Variants in RNLS observed in about 807,000 individuals in gnomAD.
The protein encoded by RNLS is renalase, FAD dependent amine oxidase.
RNLS carries 39 observed loss-of-function variants against 39.8 expected under a neutral mutation model. The observed-to-expected ratio is 0.98, with a 90% confidence interval of 0.76 to 1.28. The LOEUF (loss-of-function observed/expected upper bound fraction) is 1.28, where lower values mean the gene tolerates loss of function less well. RNLS is among the 50% of genes most tolerant of loss of function. The pLI is 0.00. For synonymous variants in RNLS, 147 were observed against 150.7 expected (o/e 0.98, Z 0.18); for missense variants, 410 against 413.3 (o/e 0.99, Z 0.07).
At chr10:88,209,086 T>C in the RNLS span, among the ~76,000 whole-genome samples, 2 of 152,220 alleles carry the variant, frequency 1.3e-5, no homozygotes, top group Admixed American at 6.5e-5. Context: ...CTGAAACATA[T>C]CCGAAACTCT....
intron 4 of RNLS, among the ~76,000 whole-genome samples, chr10:88,391,333 G>A (rs1000549869): frequency 6.6e-6 from 1 of 152,146 alleles, no homozygotes; most frequent in East Asian, 1.9e-4. Context: ...TCCGAGGCCG[G>A]TGGATCACAA....
At chr10:88,525,435 G>A (rs1268990077) in intron 4 of RNLS, among the ~76,000 whole-genome samples, 1 of 152,026 alleles carries the variant, frequency 6.6e-6, no homozygotes, top group African/African-American at 2.4e-5. Context: ...CAGAAAGCAG[G>A]TTTTTAGCAG....
At chr10:88,234,260 C>T in the RNLS span, among the ~76,000 whole-genome samples, 1 of 151,890 alleles carries the variant, frequency 6.6e-6, no homozygotes, top group African/African-American at 2.4e-5. Context: ...CTCCCTGCTT[C>T]CCTCTCATTT....
chr10:88,361,535 T>C lies in RNLS; in HGVS notation c.700+1017A>G, dbSNP rs576983644. Among the ~76,000 whole-genome samples the C allele has an allele frequency of 7.8e-4, 119 of 152,330 alleles. 1 individual carries two copies. The South Asian group carries it at 9.3e-3, about 12-fold the overall frequency. ...AATAGTCCATTGAAGTTCTAAGGCATTTTATGAACTGCTGATTGTACATAT... is the reference window on the plus strand; with the variant it reads ...AATAGTCCATTGAAGTTCTAAGGCACTTTATGAACTGCTGATTGTACATAT... On this transcript the variant is annotated intron_variant, in intron 5 of 6. Coordinates refer to ENST00000331772, the MANE Select transcript of RNLS (RefSeq NM_001031709.3).
At chr10:88,288,835 T>C (rs566555255) in intron 6 of RNLS, among the ~76,000 whole-genome samples, 2 of 152,150 alleles carry the variant, frequency 1.3e-5, no homozygotes, top group African/African-American at 4.8e-5. Context: ...GAGGAAAATA[T>C]GAAAACATGG....
intron 6 of RNLS, among the ~76,000 whole-genome samples, chr10:88,292,591 A>C (rs1556383): frequency 0.57 from 85,035 of 149,082 alleles, 24,691 homozygotes; most frequent in Middle Eastern, 0.63. Flanking sequence ...AAAAAAAAAA[A>C]CCTAGTTGCA....
the RNLS span, among the ~76,000 whole-genome samples, chr10:88,171,810 T>A: frequency 6.6e-6 from 1 of 152,184 alleles, no homozygotes; most frequent in African/African-American, 2.4e-5. Context: ...TGTAATTTCA[T>A]GTCTGTTAAC....
At chr10:88,188,923 A>G in the RNLS span, among the ~76,000 whole-genome samples, 1 of 152,146 alleles carries the variant, frequency 6.6e-6, no homozygotes, top group South Asian at 2.1e-4. Flanking sequence ...CTTACTTTCA[A>G]ATTTGAGCTA....
rs1177455915 is a variant in RNLS at position 88,583,273 on chromosome 10, C to G, written c.-83G>C. On this transcript the variant is annotated 5_prime_UTR_variant, in exon 1 of 7. Transcript: ENST00000331772. Reference sequence around the variant, plus strand: ...CTTTCTGGAAAGGCGGCCGAACCGGCGCTAGCGCTCTTTGGTTCCGTGCTC... The same window carrying G: ...CTTTCTGGAAAGGCGGCCGAACCGGGGCTAGCGCTCTTTGGTTCCGTGCTC... 4 of 1,569,128 alleles carry G rather than the reference C, an allele frequency of 2.5e-6. No individual in the cohort carries two copies. In the African/African-American group the frequency reaches 5.4e-5, roughly 21 times the overall value.
In RNLS at chr10:88,408,552, G is replaced by A. The variant is rs574121565; in HGVS notation, c.527-45827C>T. Among the ~76,000 whole-genome samples the A allele has an allele frequency of 1.3e-4, 20 of 152,158 alleles. 1 individual carries two copies. In the South Asian group the frequency reaches 4.1e-3, roughly 32 times the overall value. On this transcript the variant is annotated intron_variant, in intron 4 of 6. Transcript: ENST00000331772. ...CTCCTGAAGTACTGAGGTTACAGGT[G>A]TAAGCCACTGCACCCGGCCAATAAA...
intron 4 of RNLS, among the ~76,000 whole-genome samples, chr10:88,559,685 A>ATTCATTCG (rs1554930778): frequency 6.6e-6 from 1 of 151,898 alleles, no homozygotes. Flanking sequence ...TCATTCATTC[A>ATTCATTCG]ATGCAGACTG....
chr10:88,339,079 G>T (rs1378589786), intron 5 of RNLS, among the ~76,000 whole-genome samples: 1 of 152,074 alleles, frequency 6.6e-6, no homozygotes, highest in Non-Finnish European at 1.5e-5. Flanking sequence ...GATTTCTAAG[G>T]TTCTTCCATT....
intron 4 of RNLS, among the ~76,000 whole-genome samples, chr10:88,376,138 G>A (rs1321179872): frequency 6.6e-6 from 1 of 152,078 alleles, no homozygotes; most frequent in Non-Finnish European, 1.5e-5. Flanking sequence ...AGATTCCCAG[G>A]GAGGGGATTC....
At chr10:88,466,879 T>C (rs1843238754) in intron 4 of RNLS, among the ~76,000 whole-genome samples, 1 of 152,150 alleles carries the variant, frequency 6.6e-6, no homozygotes, top group African/African-American at 2.4e-5. Context: ...AAAACCACAT[T>C]TCACTTGCTC....
At chr10:88,323,709 C>T (rs1013863463) in intron 5 of RNLS, among the ~76,000 whole-genome samples, 1 of 152,050 alleles carries the variant, frequency 6.6e-6, no homozygotes, top group Admixed American at 6.6e-5. Context: ...GAATATATGA[C>T]TAAGACCTCA....
At chr10:88,172,856 T>G in the RNLS span, among the ~76,000 whole-genome samples, 55 of 76,848 alleles carry the variant, frequency 7.2e-4, 3 homozygotes, top group African/African-American at 2.1e-3. Context: ...TTTTTTTTTT[T>G]TTTTTTTTTT....
At chr10:88,193,136 C>T in the RNLS span, among the ~76,000 whole-genome samples, 1 of 152,132 alleles carries the variant, frequency 6.6e-6, no homozygotes, top group Admixed American at 6.6e-5. Context: ...AATCACATCT[C>T]TTACCTGTCA....
At chr10:88,478,779 A>C (rs1843968521) in intron 4 of RNLS, among the ~76,000 whole-genome samples, 1 of 152,154 alleles carries the variant, frequency 6.6e-6, no homozygotes, top group Non-Finnish European at 1.5e-5. Flanking sequence ...ACTTGTTCAA[A>C]CTGGTTCAAA....
chr10:88,284,972 T>C lies in RNLS; in HGVS notation c.*382A>G, dbSNP rs1843167167. On this transcript the variant is annotated 3_prime_UTR_variant, in exon 7 of 7. Transcript: ENST00000331772. The stretch of plus-strand genomic sequence containing the variant: ...CCGAAGACTTAAGATGGGGCTTTGA[T>C]AATGTGATTATTCTTTATTCAGAAT... The C allele has an allele frequency of 1.0e-6, 1 of 990,038 alleles. No individual in the cohort carries two copies. The highest frequency in any genetic ancestry group is 1.7e-5 in the African/African-American group (1 of 57,406). The allele number at this position is 990,038 out of a possible 1,614,324, so 61.3% of individuals were successfully genotyped here. A position where few individuals can be genotyped will look rare whatever the true frequency, so the allele number is the denominator to read the frequency against.
Sources: gnomAD v4.1 joint callset for allele counts (sites outside exome capture counted in the v4.1 genomes callset) on GRCh38, gnomAD v4.1.1 for gene constraint, MANE v1.5 for transcripts, NCBI Gene and HGNC (gene_info 2026-07-23, HGNC 2026-07-21) for gene names.